Variants in CAV2 observed in about 807,000 individuals in gnomAD.
CAV2 encodes the protein caveolin 2, also known as caveolin-2.
In CAV2, 7 loss-of-function variants were observed where a neutral mutation model predicts 15.5. The observed-to-expected ratio is 0.45, with a 90% CI of 0.26 to 0.85. The LOEUF is 0.85. Ranked by LOEUF, CAV2 falls within the 40% of genes least tolerant of loss-of-function variation. The pLI, the probability that CAV2 is intolerant of heterozygous loss-of-function variation, is 0.18. For missense variants in CAV2, 229 were observed against 208.8 expected (o/e 1.10, Z -0.60); for synonymous variants, 76 against 83.1 (o/e 0.91, Z 0.46).
At chr7:116,499,976 A>T in intron 1 of CAV2, 45 bp downstream of exon 1, 1 of 1,593,354 alleles carries the variant, frequency 6.3e-7, no homozygotes, top group Non-Finnish European at 8.5e-7. Context: ...TGAGGCCGGG[A>T]GGTGCGGGCG....
Position 116,506,026 on chromosome 7 carries a change from A to C in CAV2, c.394A>C (p.Ile132Leu). The change falls in exon 3 of 3, where the codon ATA becomes CTA. Residue 132 changes from isoleucine to leucine, a missense_variant. By Grantham distance (5) the Ile-to-Leu change is conservative (BLOSUM62 2). Transcript: ENST00000222693. ...CLMVLPSVQTIWKSVTDVIIA... is the reference protein window; with the variant it reads ...CLMVLPSVQTLWKSVTDVIIA... The stretch of plus-strand genomic sequence containing the variant: ...AATGGTTCTGCCTTCAGTGCAGACA[A>C]TATGGAAGAGTGTGACAGATGTTAT... The C allele has an allele frequency of 6.2e-7, 1 of 1,613,886 alleles. No individual in the cohort carries two copies. The highest frequency in any genetic ancestry group is 8.5e-7 in the Non-Finnish European group (1 of 1,179,736).
rs764899805 is a variant in CAV2, at chr7:116,499,813, A to AG, written c.33dup (p.Leu12AlafsTer56). 1.9e-6 allele frequency: 3 copies of AG among 1,596,108 alleles called. No homozygotes were observed. Among genetic ancestry groups the AG allele is most frequent in the Non-Finnish European group, 2.6e-6 (3 of 1,173,032 alleles). ...CTGGAGACGGAGAAGGCGGACGTAC[A>AG]GCTCTTCATGGACGACGACTCCTAC... is the stretch of plus-strand genomic sequence containing the variant. On this transcript the variant is annotated frameshift_variant, in exon 1 of 3. Transcript: ENST00000222693. LOFTEE classifies it high-confidence loss of function.
chr7:116,505,592 T>C (rs1038749277), intron 2 of CAV2, among the ~76,000 whole-genome samples: 1 of 152,090 alleles, frequency 6.6e-6, no homozygotes, highest in East Asian at 1.9e-4. Flanking sequence ...GCACGTCACA[T>C]GGCAAGAAAG....
At chr7:116,501,649 G>T (rs1793107413) in intron 2 of CAV2, among the ~76,000 whole-genome samples, 1 of 152,190 alleles carries the variant, frequency 6.6e-6, no homozygotes, top group Admixed American at 6.5e-5. Context: ...AGGGCAGCTG[G>T]CTAGGTACAG....
At chr7:116,504,808 G>A (rs1431619887) in intron 2 of CAV2, among the ~76,000 whole-genome samples, 1 of 152,176 alleles carries the variant, frequency 6.6e-6, no homozygotes, top group African/African-American at 2.4e-5. Context: ...TTAGGAACAA[G>A]TGTATGAAAA....
chr7:116,506,355 C>G lies in CAV2; in HGVS notation c.*234C>G. On this transcript the variant is annotated 3_prime_UTR_variant, in exon 3 of 3. Transcript: ENST00000222693. ...ACCAGAATTATACAGTAAGTTGACA[C>G]CACTTAGATTTAAAGGCAGACAGTT... 2.3e-6 allele frequency: 1 copy of G among 442,098 alleles called. No individual in the cohort carries two copies. Among genetic ancestry groups the G allele is most frequent in the Non-Finnish European group, 4.0e-6 (1 of 250,580 alleles). The allele number at this position is 442,098 out of a possible 1,614,324, so 27.4% of individuals were successfully genotyped here.
rs1445887170 is a variant in CAV2 at position 116,499,916 on chromosome 7, C to T, written c.135C>T (p.Leu45=). 6.2e-7 allele frequency: 1 copy of T among 1,611,584 alleles called. No homozygotes were observed. The highest frequency in any genetic ancestry group is 2.2e-5 in the East Asian group (1 of 44,800). Residue 45 remains leucine, a synonymous_variant, in exon 1 of 3, where the codon CTC becomes CTT. Transcript: ENST00000222693. Reference sequence around the variant, plus strand: ...ACCAGGACCGGGATCCCCACCGGCTCAACTCGCATCTCAAGGTGAAGCCCG... The same window carrying T: ...ACCAGGACCGGGATCCCCACCGGCTTAACTCGCATCTCAAGGTGAAGCCCG... ...DSDQDRDPHR[L]NSHLKLGFED... is the part of the protein sequence containing the mutation.
intron 2 of CAV2, among the ~76,000 whole-genome samples, chr7:116,504,872 G>A (rs1793195818): frequency 1.3e-5 from 2 of 152,156 alleles, no homozygotes. Flanking sequence ...AACATCATTT[G>A]CAGGGTTCTT....
rs1793248586 is a variant in CAV2, at chr7:116,506,821, T to C, written c.*700T>C. On this transcript the variant is annotated 3_prime_UTR_variant, in exon 3 of 3. Transcript: ENST00000222693. ...TTATATTTATGTTGTTGAACTAATA[T>C]ATGAAATAAGTAAATGTAGCTCCCA... 6.6e-6 allele frequency: 1 copy of C among 152,240 alleles called. No homozygotes were observed. Among genetic ancestry groups the C allele is most frequent in the South Asian group, 2.1e-4 (1 of 4,836 alleles). The allele number at this position is 152,240 out of a possible 1,614,324, so 9.4% of individuals were successfully genotyped here. A position where few individuals can be genotyped will look rare whatever the true frequency, so the allele number is the denominator to read the frequency against.
At chr7:116,502,624 G>T (rs985303122) in intron 2 of CAV2, among the ~76,000 whole-genome samples, 1 of 152,096 alleles carries the variant, frequency 6.6e-6, no homozygotes, top group Non-Finnish European at 1.5e-5. Flanking sequence ...ATTTTTTAAA[G>T]CAGGGGCTTG....
intron 1 of CAV2, 73 bp downstream of exon 1, chr7:116,500,004 A>G: frequency 6.4e-7 from 1 of 1,550,992 alleles, no homozygotes; most frequent in Non-Finnish European, 8.7e-7. Context: ...GCCCCGCCCT[A>G]ACCCGTCCCA....
intron 1 of CAV2, 104 bp downstream of exon 1, chr7:116,500,035 C>T: frequency 6.7e-7 from 1 of 1,502,662 alleles, no homozygotes; most frequent in Non-Finnish European, 8.9e-7. Flanking sequence ...CGGGTCGGCC[C>T]CGCAGGGTCT....
In CAV2 at chr7:116,506,302, A is replaced by G. The variant is rs901777881; in HGVS notation, c.*181A>G. ...TTCAAATAATGCTTTTCTAATTAAT[A>G]GCCAAAGATTTCATATCTAACTTTG... On this transcript the variant is annotated 3_prime_UTR_variant, in exon 3 of 3. Coordinates refer to ENST00000222693, the MANE Select transcript of CAV2 (RefSeq NM_001233.5). 2 of 572,342 alleles carry G rather than the reference A, an allele frequency of 3.5e-6. No homozygotes were observed. Among genetic ancestry groups the G allele is most frequent in the Non-Finnish European group, 6.0e-6 (2 of 333,600 alleles). The allele number at this position is 572,342 out of a possible 1,614,324, so 35.5% of individuals were successfully genotyped here.
rs377393850 is a variant in CAV2 at position 116,500,034 on chromosome 7, C to T, written c.150+103C>T. ...GTCCCACCATTGCTACCGGGTCGGC[C>T]CCGCAGGGTCTGAGACCCGCACCCT... On this transcript the variant is annotated intron_variant, in intron 1 of 2. Coordinates refer to ENST00000222693, the MANE Select transcript of CAV2 (RefSeq NM_001233.5). 283 of 1,502,544 alleles carry T rather than the reference C, an allele frequency of 1.9e-4. 3 individuals carry two copies. In the East Asian group the frequency reaches 6.0e-3, roughly 32 times the overall value. 93.1% of individuals were successfully genotyped at this position (1,502,544 alleles called of 1,614,324 possible).
chr7:116,503,316 C>G (rs114544983), intron 2 of CAV2, among the ~76,000 whole-genome samples: 317 of 152,168 alleles, frequency 2.1e-3, no homozygotes, highest in African/African-American at 7.1e-3. Context: ...GTCGGAGGAT[C>G]ATTAGATTCT....
At chr7:116,505,181 A>G (rs973341364) in intron 2 of CAV2, among the ~76,000 whole-genome samples, 7 of 152,208 alleles carry the variant, frequency 4.6e-5, no homozygotes, top group Non-Finnish European at 2.9e-5. Context: ...GGAAAAGGGA[A>G]GAAGACTGAG....
rs558179605 is a variant in CAV2 at position 116,505,855 on chromosome 7, A to G, written c.339-116A>G. 6 of 661,880 alleles carry G rather than the reference A, an allele frequency of 9.1e-6. 1 individual carries two copies. In the South Asian group the frequency reaches 1.4e-4, roughly 15 times the overall value. 41.0% of individuals were successfully genotyped at this position (661,880 alleles called of 1,614,324 possible). ...GATCATTGTTCATTTATTTGTTTCA[A>G]ACTCTCAACCAAATTTAAGTAAATG... On this transcript the variant is annotated intron_variant, in intron 2 of 2. Coordinates refer to ENST00000222693, the MANE Select transcript of CAV2 (RefSeq NM_001233.5).
Position 116,506,966 on chromosome 7 carries a change from CAA to C in CAV2, c.*848_*849del, listed in dbSNP as rs1275458590. 2 of 152,262 alleles carry C rather than the reference CAA, an allele frequency of 1.3e-5. No homozygotes were observed. The highest frequency in any genetic ancestry group is 2.9e-5 in the Non-Finnish European group (2 of 67,994). The allele number at this position is 152,262 out of a possible 1,614,324, so 9.4% of individuals were successfully genotyped here. A position where few individuals can be genotyped will look rare whatever the true frequency, so the allele number is the denominator to read the frequency against. ...AGCTTTCTTTTCTAACTTTTCCAAG[CAA>C]AATCTAAAATGTTTTATGACATTTT... On this transcript the variant is annotated 3_prime_UTR_variant, in exon 3 of 3. Transcript: ENST00000222693.
Position 116,507,987 on chromosome 7 carries a change from T to C in CAV2, c.*1866T>C, listed in dbSNP as rs1272245685. 6.6e-6 allele frequency: 1 copy of C among 152,200 alleles called. No homozygotes were observed. The highest frequency in any genetic ancestry group is 1.5e-5 in the Non-Finnish European group (1 of 68,034). 9.4% of individuals were successfully genotyped at this position (152,200 alleles called of 1,614,324 possible). Reference sequence around the variant, plus strand: ...GATTAAATTATGAAGCTCATATCCTTTTGAAGGTAGTTGCAAAGAGACATT... The same window carrying C: ...GATTAAATTATGAAGCTCATATCCTCTTGAAGGTAGTTGCAAAGAGACATT... On this transcript the variant is annotated 3_prime_UTR_variant, in exon 3 of 3. Coordinates refer to ENST00000222693, the MANE Select transcript of CAV2 (RefSeq NM_001233.5).
Sources: allele counts gnomAD v4.1 joint callset (sites outside exome capture counted in the v4.1 genomes callset), GRCh38; gene constraint gnomAD v4.1.1; transcripts MANE v1.5; gene names NCBI Gene and HGNC (gene_info 2026-07-23, HGNC 2026-07-21).